MYO1E: variants seen among roughly 807,000 people sequenced by gnomAD.
MYO1E encodes the protein myosin IE, also known as unconventional myosin-Ie.
In MYO1E, 68 loss-of-function variants were observed where a neutral mutation model predicts 151.1. That is an observed-to-expected ratio of 0.45 (90% CI 0.37 to 0.55). The LOEUF is 0.55. MYO1E is among the 20% of genes least tolerant of loss of function. The probability of loss-of-function intolerance (pLI) is 0.00; values close to 1 mark genes in which losing one functional copy is unlikely to be tolerated. For synonymous variants in MYO1E, 601 were observed against 501.7 expected (o/e 1.20, Z -2.64); for missense variants, 1,363 against 1,389.3 (o/e 0.98, Z 0.30).
At position 59,231,749 on chromosome 15, in the gene MYO1E, C is replaced by A; in HGVS notation, c.463G>T (p.Ala155Ser). Residue 155 changes from alanine (A) to serine (S), a missense_variant, in exon 6 of 28, where the codon GCC becomes TCC. Ala to Ser is a moderately conservative substitution (Grantham distance 99). Transcript: ENST00000288235. ...CGGACGGTCTTGGCGTTCCCGAAGG[C>A]CTCCAGCAGCGGGTTGGACTGCAGG... ...IILQSNPLLEAFGNAKTVRNN... is the reference protein window; with the variant it reads ...IILQSNPLLESFGNAKTVRNN... 1 of 1,614,190 alleles carries A rather than the reference C, an allele frequency of 6.2e-7. No individual in the cohort carries two copies.
intron 19 of MYO1E, among the ~76,000 whole-genome samples, chr15:59,176,055 G>GTTA (rs2079622912): frequency 6.6e-6 from 1 of 151,692 alleles, no homozygotes. Context: ...TGTGGGTTTT[G>GTTA]TTGTTGTTGT....
intron 14 of MYO1E, 193 bp downstream of exon 14, chr15:59,208,488 T>C (rs1330903807): frequency 1.5e-6 from 1 of 676,992 alleles, no homozygotes; most frequent in South Asian, 1.9e-5. Context: ...TCTTCTACAA[T>C]GTAAAAATAA....
intron 1 of MYO1E, among the ~76,000 whole-genome samples, chr15:59,365,255 G>A (rs2080906643): frequency 6.6e-6 from 1 of 152,178 alleles, no homozygotes; most frequent in South Asian, 2.1e-4. Context: ...CTGACCTCAG[G>A]TGATCCCTCC....
In MYO1E at chr15:59,226,126, A is replaced by C. The variant is rs150921304; in HGVS notation, c.643-1303T>G. ...CTAGCACTGGGTATTATTTATGTGA[A>C]ATATATAATTATTTTTCACTTATCT... is the stretch of plus-strand genomic sequence containing the variant. On this transcript the variant is annotated intron_variant, in intron 7 of 27. Coordinates refer to ENST00000288235, the MANE Select transcript of MYO1E (RefSeq NM_004998.4). Among the ~76,000 whole-genome samples the C allele has an allele frequency of 7.7e-4, 117 of 152,332 alleles. 1 individual carries two copies. The highest frequency in any genetic ancestry group is 2.7e-3 in the African/African-American group (114 of 41,580).
At chr15:59,230,932 C>T (rs1199125232) in intron 6 of MYO1E, among the ~76,000 whole-genome samples, 1 of 152,174 alleles carries the variant, frequency 6.6e-6, no homozygotes, top group Non-Finnish European at 1.5e-5. Context: ...ATCAAGGTTA[C>T]TGGATAAACA....
chr15:59,355,092 C>A (rs1489525450), intron 1 of MYO1E, among the ~76,000 whole-genome samples: 1 of 152,192 alleles, frequency 6.6e-6, no homozygotes, highest in Non-Finnish European at 1.5e-5. Context: ...TTTCAGTCCT[C>A]TGGGCACTTT....
At position 59,134,062 on chromosome 15, in the gene MYO1E, A is replaced by G. The variant is rs2079358403; in HGVS notation, c.*3318T>C. ...GGTGCTCTGGGTAAGCTGCTGAGAC[A>G]GCTCTGTGCAGAGACCTCCAGCCCC... On this transcript the variant is annotated 3_prime_UTR_variant, in exon 28 of 28. Transcript: ENST00000288235. 1 of 152,294 alleles carries G rather than the reference A, an allele frequency of 6.6e-6. No homozygotes were observed. The highest frequency in any genetic ancestry group is 1.5e-5 in the Non-Finnish European group (1 of 68,072). 9.4% of individuals were successfully genotyped at this position (152,294 alleles called of 1,614,324 possible).
intron 3 of MYO1E, among the ~76,000 whole-genome samples, chr15:59,260,445 T>C (rs1472257439): frequency 6.6e-6 from 1 of 152,248 alleles, no homozygotes; most frequent in Non-Finnish European, 1.5e-5. Flanking sequence ...CTGATGAATT[T>C]GTGTGGGCTC....
chr15:59,296,499 A>G (rs557938489), intron 1 of MYO1E, among the ~76,000 whole-genome samples: 3 of 152,220 alleles, frequency 2.0e-5, no homozygotes, highest in Non-Finnish European at 4.4e-5. Context: ...ACAGGCCAGC[A>G]TGAAGGCCTA....
chr15:59,226,534 C>G (rs1330576562), intron 7 of MYO1E, among the ~76,000 whole-genome samples: 3 of 152,200 alleles, frequency 2.0e-5, no homozygotes, highest in Non-Finnish European at 4.4e-5. Flanking sequence ...GGGCCAGGTG[C>G]AATGGCTCAC....
chr15:59,304,302 A>C (rs1396225267), intron 1 of MYO1E, among the ~76,000 whole-genome samples: 3 of 152,026 alleles, frequency 2.0e-5, no homozygotes, highest in Non-Finnish European at 4.4e-5. Flanking sequence ...TTTCTATATG[A>C]GAAAGGTGAA....
chr15:59,183,325 T>C (rs984509631), intron 18 of MYO1E, among the ~76,000 whole-genome samples: 2 of 148,418 alleles, frequency 1.3e-5, no homozygotes, highest in African/African-American at 2.5e-5. Context: ...AAACCCAGAA[T>C]AGATTAAAAA....
At chr15:59,229,054 C>T (rs1286433594) in intron 6 of MYO1E, among the ~76,000 whole-genome samples, 1 of 152,188 alleles carries the variant, frequency 6.6e-6, no homozygotes, top group East Asian at 1.9e-4. Context: ...AAAGAGAGCT[C>T]CCGTGCTTCC....
At chr15:59,205,575 C>G in intron 14 of MYO1E, 90 bp from the exon 15 acceptor site, 1 of 1,308,604 alleles carries the variant, frequency 7.6e-7, no homozygotes, top group Non-Finnish European at 1.1e-6. Flanking sequence ...TCTAATTTCA[C>G]CAAACAAAAA....
At chr15:59,157,909 G>C (rs1337989324) in intron 25 of MYO1E, among the ~76,000 whole-genome samples, 1 of 152,228 alleles carries the variant, frequency 6.6e-6, no homozygotes, top group Non-Finnish European at 1.5e-5. Flanking sequence ...GGCCGGAGCT[G>C]GGTAGTGGTG....
At chr15:59,155,646 C>G (rs2079505573) in intron 25 of MYO1E, among the ~76,000 whole-genome samples, 1 of 152,200 alleles carries the variant, frequency 6.6e-6, no homozygotes, top group South Asian at 2.1e-4. Flanking sequence ...CCACTGGAAC[C>G]AGCGCACACG....
chr15:59,161,972 A>G (rs2079540463), intron 23 of MYO1E, among the ~76,000 whole-genome samples: 1 of 152,188 alleles, frequency 6.6e-6, no homozygotes, highest in Non-Finnish European at 1.5e-5. Context: ...TTATTTTTGT[A>G]GCTAGGAAAA....
intron 1 of MYO1E, among the ~76,000 whole-genome samples, chr15:59,285,241 T>G (rs1018936954): frequency 2.6e-5 from 4 of 152,106 alleles, no homozygotes; most frequent in Non-Finnish European, 5.9e-5. Context: ...TAAAGCAATC[T>G]TGCAAGGTGT....
At chr15:59,264,267 C>A (rs1031196306) in intron 2 of MYO1E, among the ~76,000 whole-genome samples, 3 of 152,068 alleles carry the variant, frequency 2.0e-5, no homozygotes, top group African/African-American at 7.2e-5. Flanking sequence ...AACTGAGGCA[C>A]GGAGAAATTT....
Sources: gnomAD v4.1 joint callset for allele counts (sites outside exome capture counted in the v4.1 genomes callset) on GRCh38, gnomAD v4.1.1 for gene constraint, MANE v1.5 for transcripts, NCBI Gene and HGNC (gene_info 2026-07-23, HGNC 2026-07-21) for gene names.